Variants in DAW1 observed in about 807,000 individuals in gnomAD.
DAW1 encodes dynein assembly factor with WD repeats 1.
In DAW1, 47 loss-of-function variants were observed where a neutral mutation model predicts 56.5. That is an observed-to-expected ratio of 0.83 (90% CI 0.66 to 1.06). The LOEUF (loss-of-function observed/expected upper bound fraction) is 1.06, where lower values mean the gene tolerates loss of function less well. Ranked by LOEUF, DAW1 falls within the 50% of genes least tolerant of loss-of-function variation. The pLI is 0.00. For synonymous variants in DAW1, 190 were observed against 179.0 expected (o/e 1.06, Z -0.49); for missense variants, 505 against 499.3 (o/e 1.01, Z -0.11).
At chr2:227,915,622 T>C (rs1387771346) in intron 10 of DAW1, among the ~76,000 whole-genome samples, 1 of 152,268 alleles carries the variant, frequency 6.6e-6, no homozygotes, top group Admixed American at 6.5e-5. Flanking sequence ...TGATGTGTGA[T>C]GCTGTAACAT....
chr2:227,909,270 ATCTGTCTG>A (rs367916730), intron 10 of DAW1, among the ~76,000 whole-genome samples: 2 of 144,454 alleles, frequency 1.4e-5, no homozygotes, highest in African/African-American at 5.2e-5. Context: ...CTATCTATCT[ATCTGTCTG>A]TCTGTCTGTC....
chr2:227,923,270 T>A (rs1692151052), intron 12 of DAW1, among the ~76,000 whole-genome samples: 2 of 152,198 alleles, frequency 1.3e-5, no homozygotes, highest in Admixed American at 1.3e-4. Flanking sequence ...TGTGATAAAC[T>A]GCAGGCATTT....
At chr2:227,920,700 G>A (rs939491125) in intron 11 of DAW1, among the ~76,000 whole-genome samples, 2 of 151,258 alleles carry the variant, frequency 1.3e-5, no homozygotes, top group Admixed American at 1.3e-4. Flanking sequence ...TTTTTGAGAT[G>A]GAGTCTTGCT....
rs1292002014 is a variant in DAW1, at chr2:227,917,049, C to T, written c.974-1731C>T. Among the ~76,000 whole-genome samples, 3 of 152,072 alleles carry T rather than the reference C, an allele frequency of 2.0e-5. No individual in the cohort carries two copies. In the East Asian group the frequency reaches 5.8e-4, roughly 29 times the overall value. On this transcript the variant is annotated intron_variant, in intron 10 of 12. Transcript: ENST00000309931. ...TGACCCTACACTATGTTTATGTTAT[C>T]TCTCTGACAACATGTGACACTAAGC... is the stretch of plus-strand genomic sequence containing the variant.
At chr2:227,903,240 A>G in intron 7 of DAW1, 131 bp downstream of exon 7, 2 of 909,572 alleles carry the variant, frequency 2.2e-6, no homozygotes, top group Non-Finnish European at 3.4e-6. Flanking sequence ...GAGTGTCCCT[A>G]CTGGTTTCCT....
At chr2:227,909,232 T>TCTATC (rs370779273) in intron 10 of DAW1, among the ~76,000 whole-genome samples, 4 of 138,882 alleles carry the variant, frequency 2.9e-5, no homozygotes, top group African/African-American at 1.1e-4. Flanking sequence ...GGTGGTGATA[T>TCTATC]TATCTATCTA....
intron 5 of DAW1, among the ~76,000 whole-genome samples, chr2:227,895,807 TAGA>T (rs1375711494): frequency 2.0e-5 from 3 of 152,084 alleles, no homozygotes; most frequent in Admixed American, 6.6e-5. Context: ...ATGTTTTAAA[TAGA>T]AGGATAGCTC....
At chr2:227,912,107 A>G (rs1691839701) in intron 10 of DAW1, 2 of 356,092 alleles carry the variant, frequency 5.6e-6, no homozygotes, top group African/African-American at 2.1e-5. Flanking sequence ...ATGCCATACC[A>G]TACCATACTA....
chr2:227,918,537 C>T (rs1692027946), intron 10 of DAW1, among the ~76,000 whole-genome samples: 1 of 151,942 alleles, frequency 6.6e-6, no homozygotes, highest in Admixed American at 6.6e-5. Flanking sequence ...TCTTTTCTAC[C>T]TTGGAATACA....
In DAW1 at chr2:227,904,621, A is replaced by G. The variant is rs1172121123; in HGVS notation, c.649-308A>G. On this transcript the variant is annotated intron_variant, in intron 7 of 12. Coordinates refer to ENST00000309931, the MANE Select transcript of DAW1 (RefSeq NM_178821.3). Reference sequence around the variant, plus strand: ...ACGTCCTCTAGTTTCCCCAAATACAACCTCTTTCTTTTGTTTTTAATCAAT... The same window carrying G: ...ACGTCCTCTAGTTTCCCCAAATACAGCCTCTTTCTTTTGTTTTTAATCAAT... Among the ~76,000 whole-genome samples, 4 of 151,980 alleles carry G rather than the reference A, an allele frequency of 2.6e-5. No individual in the cohort carries two copies. The East Asian group carries it at 5.8e-4, about 22-fold the overall frequency.
At chr2:227,874,440 C>A (rs1406943530) in intron 1 of DAW1, among the ~76,000 whole-genome samples, 2 of 152,280 alleles carry the variant, frequency 1.3e-5, no homozygotes, top group African/African-American at 4.8e-5. Flanking sequence ...CTGAAACTGC[C>A]CACTTTAAGA....
chr2:227,923,621 C>T (rs542614810), intron 12 of DAW1, among the ~76,000 whole-genome samples: 15 of 152,048 alleles, frequency 9.9e-5, no homozygotes, highest in Admixed American at 3.3e-4. Context: ...TTTGAGGGGA[C>T]GGCAGAGGGG....
rs745852794 is a variant in DAW1, at chr2:227,893,892, G to A, written c.415G>A (p.Ala139Thr). 9.3e-6 allele frequency: 15 copies of A among 1,612,516 alleles called. No individual in the cohort carries two copies. Among genetic ancestry groups the A allele is most frequent in the East Asian group, 2.2e-5 (1 of 44,860 alleles). ...TLEGHRNVVYAIAFNNPYGDK... is the reference protein window; with the variant it reads ...TLEGHRNVVYTIAFNNPYGDK... The stretch of plus-strand genomic sequence containing the variant: ...GGAGGGCCACAGGAATGTGGTTTAT[G>A]CCATAGCATTCAACAATCCTTACGG... The change falls in exon 5 of 13, where the codon GCC becomes ACC. Residue 139 changes from alanine to threonine, a missense_variant. By Grantham distance (58) the Ala-to-Thr change is moderately conservative. Transcript: ENST00000309931.
chr2:227,897,419 TG>T (rs1165124463), intron 5 of DAW1, among the ~76,000 whole-genome samples: 1 of 152,218 alleles, frequency 6.6e-6, no homozygotes, highest in Non-Finnish European at 1.5e-5. Flanking sequence ...ATATATGTGT[TG>T]GGTTGTGAGA....
rs1553604216 is a variant in DAW1, at chr2:227,918,191, C to CATCCATCCATCCATCCATCCAT, written c.974-589_974-588insATCCATCCATCCATCCATCCAT. On this transcript the variant is annotated intron_variant, in intron 10 of 12. Coordinates refer to ENST00000309931, the MANE Select transcript of DAW1 (RefSeq NM_178821.3). ...ATCCATCATCCATCCATCCATCCATCCATCCATCCATCCATCCATCCATCC... is the reference window on the plus strand; with the variant it reads ...ATCCATCATCCATCCATCCATCCATCATCCATCCATCCATCCATCCATCATCCATCCATCCATCCATCCATCC... 3.1e-3 allele frequency among the ~76,000 whole-genome samples: 459 copies of CATCCATCCATCCATCCATCCAT among 146,224 alleles called. 8 individuals carry two copies. The highest frequency in any genetic ancestry group is 0.02 in the South Asian group (87 of 4,456).
chr2:227,888,215 A>C (rs1353432252), intron 2 of DAW1, among the ~76,000 whole-genome samples: 7 of 152,216 alleles, frequency 4.6e-5, no homozygotes, highest in African/African-American at 1.7e-4. Flanking sequence ...ATGTCAATTG[A>C]ATGAGCAGGT....
intron 10 of DAW1, among the ~76,000 whole-genome samples, chr2:227,911,233 T>G (rs113904349): frequency 1.5e-5 from 1 of 64,820 alleles, no homozygotes; most frequent in African/African-American, 5.0e-5. Flanking sequence ...CATATGTGTA[T>G]ATATACATAT....
At chr2:227,875,419 C>T (rs139372882) in intron 1 of DAW1, among the ~76,000 whole-genome samples, 1 of 152,154 alleles carries the variant, frequency 6.6e-6, no homozygotes, top group Non-Finnish European at 1.5e-5. Context: ...ACCATGATCC[C>T]CAAGGCCCTG....
At chr2:227,906,375 T>C (rs1361925520) in intron 9 of DAW1, 37 bp downstream of exon 9, 2 of 1,437,500 alleles carry the variant, frequency 1.4e-6, no homozygotes, top group South Asian at 2.5e-5. Context: ...CTTTATATTG[T>C]GTCTATACTC....
Sources: allele counts gnomAD v4.1 joint callset (sites outside exome capture counted in the v4.1 genomes callset), GRCh38; gene constraint gnomAD v4.1.1; transcripts MANE v1.5; gene names NCBI Gene and HGNC (gene_info 2026-07-23, HGNC 2026-07-21).